Variants in KMT2D observed in about 807,000 individuals in gnomAD.
The protein encoded by KMT2D is lysine methyltransferase 2D.
In KMT2D, 55 loss-of-function variants were observed where a neutral mutation model predicts 512.7. That is an observed-to-expected ratio of 0.11 (90% CI 0.09 to 0.13). The LOEUF is 0.13. Ranked by LOEUF, KMT2D falls within the 10% of genes least tolerant of loss-of-function variation. KMT2D has a pLI of 1.00. For missense variants in KMT2D, 6,061 were observed against 7,127.9 expected, an observed-to-expected ratio of 0.85 and a Z score of 5.39; for synonymous variants, 2,995 against 2,904.0, an observed-to-expected ratio of 1.03 and a Z score of -1.01.
chr12:49,028,870 A>C lies in KMT2D; in HGVS notation c.14340T>G (p.Ser4780Arg), dbSNP rs2120387074. 1 of 1,613,958 alleles carries C rather than the reference A, an allele frequency of 6.2e-7. No homozygotes were observed. Among genetic ancestry groups the C allele is most frequent in the Non-Finnish European group, 8.5e-7 (1 of 1,179,888 alleles). The change falls in exon 46 of 55, where the codon AGT becomes AGG. Residue 4780 changes from serine to arginine, a missense_variant. Ser to Arg is a moderately radical substitution (Grantham distance 110). Around this residue, in one of 16 missense-constraint regions of KMT2D, gnomAD observed 1,600 missense variants for 1,754.9 expected, o/e 0.91. Coordinates refer to ENST00000301067, the MANE Select transcript of KMT2D (RefSeq NM_003482.4). ...PVTTWEKGKG[S>R]EVSVMLTVSA... is the part of the protein sequence containing the mutation. ...AGACTGTGAGCATGACTGACACCTC[A>C]CTTCCTTTGCCCTTTTCCCAAGTTG...
rs1937914532 is a variant in KMT2D, at chr12:49,050,693, C to T, written c.2895G>A (p.Gly965=). 1 of 1,613,400 alleles carries T rather than the reference C, an allele frequency of 6.2e-7. No homozygotes were observed. The highest frequency in any genetic ancestry group is 8.5e-7 in the Non-Finnish European group (1 of 1,179,720). Residue 965 remains glycine (G), a synonymous_variant, in exon 12 of 55, where the codon GGG becomes GGA. Coordinates refer to ENST00000301067, the MANE Select transcript of KMT2D (RefSeq NM_003482.4). ...GELEYPFGAK[G]DSDPESPLAA... ...CCAACGGTGACTCAGGGTCACTGTC[C>T]CCTTTGGCACCAAAGGGGTACTCTA... is the stretch of plus-strand genomic sequence containing the variant.
rs1467127405 is a variant in KMT2D, at chr12:49,044,329, G to A, written c.5084-25C>T. On this transcript the variant is annotated intron_variant, in intron 21 of 54. Transcript: ENST00000301067. This position sits in a 1 kb window ranked among gnomAD's most constrained non-coding sequence, Gnocchi z 6.4. ...CCTATGAGGAGGCAGAGTTGTGGAT[G>A]AGAAGCCGCTGGGGGACCTATTGAG... The A allele has an allele frequency of 2.5e-6, 4 of 1,613,894 alleles. No homozygotes were observed. The highest frequency in any genetic ancestry group is 3.4e-6 in the Non-Finnish European group (4 of 1,179,824).
Position 49,044,962 on chromosome 12 carries a change from G to A in KMT2D, c.4745C>T (p.Pro1582Leu), listed in dbSNP as rs370444484. The change falls in exon 20 of 55, where the codon CCC becomes CTC. Residue 1582 changes from proline to leucine, a missense_variant. Physicochemically the swap from Pro to Leu is moderately conservative, Grantham distance 98. This residue lies in a region of KMT2D where 640 missense variants were observed against 814.3 expected (regional missense o/e 0.79). Transcript: ENST00000301067. The surrounding 1 kb of genome is among the most constrained non-coding windows in gnomAD (Gnocchi z 6.4). Reference sequence around the variant, plus strand: ...CACACCTTCGAAGCGAAAGTACTGGGGCTCTGCATAAGAGGAAAGAGTATG... The same window carrying A: ...CACACCTTCGAAGCGAAAGTACTGGAGCTCTGCATAAGAGGAAAGAGTATG... Reference protein sequence around the residue: ...LVPMKVKEPEPQYFRFEGVWL... With the variant: ...LVPMKVKEPELQYFRFEGVWL... 1.9e-6 allele frequency: 3 copies of A among 1,613,290 alleles called. No individual in the cohort carries two copies. The highest frequency in any genetic ancestry group is 2.7e-5 in the African/African-American group (2 of 74,924).
At chr12:49,043,264 C>T in intron 25 of KMT2D, 78 bp from the exon 26 acceptor site, 5 of 1,547,786 alleles carry the variant, frequency 3.2e-6, no homozygotes, top group Non-Finnish European at 4.5e-6. Flanking sequence ...GGCCATGGGA[C>T]AGTTTCCAGC....
rs2120528900 is a variant in KMT2D, at chr12:49,040,430, G to A, written c.7340C>T (p.Pro2447Leu). The change falls in exon 32 of 55, where the codon CCT (proline) becomes CTT (leucine). Residue 2447 changes from proline (P) to leucine (L), a missense_variant. Coordinates refer to ENST00000301067, the MANE Select transcript of KMT2D (RefSeq NM_003482.4). ...PSPVTPRFQS[P>L]DPYSRPPSRP... ...TGAGGGTGGGCGAGAATAAGGGTCA[G>A]GGGACTGGAAGCGAGGGGTAACGGG... The A allele has an allele frequency of 6.4e-7, 1 of 1,562,628 alleles. No homozygotes were observed. Among genetic ancestry groups the A allele is most frequent in the Non-Finnish European group, 8.7e-7 (1 of 1,153,622 alleles).
Position 49,020,738 on chromosome 12 carries a change from C to G in KMT2D, c.*1042G>C, listed in dbSNP as rs1290824577. 5 of 210,590 alleles carry G rather than the reference C, an allele frequency of 2.4e-5. No individual in the cohort carries two copies. Among genetic ancestry groups the G allele is most frequent in the African/African-American group, 1.1e-4 (5 of 43,816 alleles). 13.0% of individuals were successfully genotyped at this position (210,590 alleles called of 1,614,324 possible). On this transcript the variant is annotated 3_prime_UTR_variant, in exon 55 of 55. Transcript: ENST00000301067. ...CACTCAGGGATAGCCCTCACCCTAC[C>G]CCCCACCCAACCCGTCCAGGGGCTG...
At chr12:49,029,616 A>C (rs1178363842) in intron 43 of KMT2D, 140 bp from the exon 44 acceptor site, 4 of 633,988 alleles carry the variant, frequency 6.3e-6, no homozygotes, top group Non-Finnish European at 1.1e-5. Flanking sequence ...GTTTGGGGCA[A>C]ACAAGGTATA....
chr12:49,060,112 C>G lies in KMT2D; in HGVS notation c.-537G>C, dbSNP rs1222916325. ...GAGACCCTCGCAGGAGCGCCGAGCCCCTCTCCCCGCCCCGGCCGGCGCCCG... is the reference window on the plus strand; with the variant it reads ...GAGACCCTCGCAGGAGCGCCGAGCCGCTCTCCCCGCCCCGGCCGGCGCCCG... On this transcript the variant is annotated 5_prime_UTR_variant, in exon 1 of 55. Coordinates refer to ENST00000301067, the MANE Select transcript of KMT2D (RefSeq NM_003482.4). Among the ~76,000 whole-genome samples, 2 of 151,418 alleles carry G rather than the reference C, an allele frequency of 1.3e-5. No homozygotes were observed. The highest frequency in any genetic ancestry group is 3.0e-5 in the Non-Finnish European group (2 of 67,766).
chr12:49,045,040 G>A (rs1324233284), intron 19 of KMT2D, 75 bp from the exon 20 acceptor site: 24 of 1,391,810 alleles, frequency 1.7e-5, no homozygotes, highest in Non-Finnish European at 2.4e-5. Flanking sequence ...TTCAACCTAT[G>A]TCCTTAGCTG....
Position 49,032,562 on chromosome 12 carries a change from G to C in KMT2D, c.12143C>G (p.Pro4048Arg), listed in dbSNP as rs527255553. The C allele has an allele frequency of 1.2e-6, 2 of 1,612,944 alleles. No individual in the cohort carries two copies. Among genetic ancestry groups the C allele is most frequent in the Non-Finnish European group, 1.7e-6 (2 of 1,179,462 alleles). ...TEGPSTHQGGPLAIGTTPESM... is the reference protein window; with the variant it reads ...TEGPSTHQGGRLAIGTTPESM... ...CTCAGGGGTAGTTCCTATTGCTAAC[G>C]GCCCTCCCTGATGTGTAGAGGGCCC... The change falls in exon 40 of 55, where the codon CCG (proline) becomes CGG (arginine). Residue 4048 changes from proline to arginine, a missense_variant. Pro to Arg is a moderately radical substitution (Grantham distance 103). Coordinates refer to ENST00000301067, the MANE Select transcript of KMT2D (RefSeq NM_003482.4).
chr12:49,043,640 T>G lies in KMT2D; in HGVS notation c.5462A>C (p.Gln1821Pro), dbSNP rs550229839. The change falls in exon 24 of 55, where the codon CAG becomes CCG. Residue 1821 changes from glutamine to proline, a missense_variant. Around this residue, in one of 16 missense-constraint regions of KMT2D, gnomAD observed 640 missense variants for 814.3 expected, o/e 0.79. Transcript: ENST00000301067. ...GSERKELPTSQKGDDGPDIAD... is the reference protein window; with the variant it reads ...GSERKELPTSPKGDDGPDIAD... ...CTCACTCCCACATAACTAACCTTTC[T>G]GCGATGTGGGGAGTTCCTTCCTTTC... The G allele has an allele frequency of 6.2e-7, 1 of 1,614,008 alleles. No individual in the cohort carries two copies. Among genetic ancestry groups the G allele is most frequent in the Non-Finnish European group, 8.5e-7 (1 of 1,179,882 alleles).
In KMT2D at chr12:49,051,857, G is replaced by A. The variant is rs2120677637; in HGVS notation, c.1826C>T (p.Ser609Phe). The A allele has an allele frequency of 1.2e-6, 2 of 1,612,578 alleles. No individual in the cohort carries two copies. The highest frequency in any genetic ancestry group is 8.5e-7 in the Non-Finnish European group (1 of 1,179,154). ...LFPPFEESPL[S>F]PPPEESPLSP... ...AAGGGGAGACTCCTCAGGTGGAGGG[G>A]ACAGAGGAGACTCTTCAAATGGTGG... is the stretch of plus-strand genomic sequence containing the variant. Residue 609 changes from serine to phenylalanine, a missense_variant, in exon 11 of 55, where the codon TCC (serine) becomes TTC (phenylalanine). Ser to Phe is a radical substitution (Grantham distance 155, BLOSUM62 -2). Around this residue, in one of 16 missense-constraint regions of KMT2D, gnomAD observed 848 missense variants for 838.5 expected, o/e 1.01. Transcript: ENST00000301067.
At position 49,034,310 on chromosome 12, in the gene KMT2D, A is replaced by C. The variant is rs374068805; in HGVS notation, c.10508-11T>G. Reference sequence around the variant, plus strand: ...GCTGGTCAGCTTCATCTGGGAAAAGAAGCTGGGTGTCAGGACCTGCAAAAG... The same window carrying C: ...GCTGGTCAGCTTCATCTGGGAAAAGCAGCTGGGTGTCAGGACCTGCAAAAG... On this transcript the variant is annotated splice_polypyrimidine_tract_variant and intron_variant, in intron 38 of 54. Transcript: ENST00000301067. The C allele has an allele frequency of 4.3e-5, 70 of 1,611,298 alleles. No individual in the cohort carries two copies. The highest frequency in any genetic ancestry group is 5.0e-5 in the Non-Finnish European group (59 of 1,177,806).
At position 49,039,333 on chromosome 12, in the gene KMT2D, G is replaced by A. The variant is rs1238293265; in HGVS notation, c.8255C>T (p.Pro2752Leu). The A allele has an allele frequency of 2.5e-6, 4 of 1,613,506 alleles. No individual in the cohort carries two copies. In the Admixed American group the frequency reaches 6.7e-5, roughly 27 times the overall value. Residue 2752 changes from proline (P) to leucine (L), a missense_variant, in exon 34 of 55, where the codon CCC (proline) becomes CTC (leucine). By Grantham distance (98) the Pro-to-Leu change is moderately conservative. Coordinates refer to ENST00000301067, the MANE Select transcript of KMT2D (RefSeq NM_003482.4). The surrounding 1 kb of genome is among the most constrained non-coding windows in gnomAD (Gnocchi z 5.0). ...GATGGGGCCACTCAGCTTGCTTGGGGGCAACCCCACAAGGCTGCTCTTGTC... is the reference window on the plus strand; with the variant it reads ...GATGGGGCCACTCAGCTTGCTTGGGAGCAACCCCACAAGGCTGCTCTTGTC... ...TQDKSSLVGL[P>L]PSKLSGPILG...
chr12:49,053,632 C>G lies in KMT2D; in HGVS notation c.683G>C (p.Arg228Pro), dbSNP rs778237222. ...CCCTGGCCCCTCACACACTGCACAGCGAGCCTCCTCTGCAGGGGGTAGAGA... is the reference window on the plus strand; with the variant it reads ...CCCTGGCCCCTCACACACTGCACAGGGAGCCTCCTCTGCAGGGGGTAGAGA... The part of the protein sequence containing the change: ...SEGAAYLEEA[R>P]CAVCEGPGEL... Residue 228 changes from arginine to proline, a missense_variant, in exon 7 of 55, where the codon CGC (arginine) becomes CCC (proline). Coordinates refer to ENST00000301067, the MANE Select transcript of KMT2D (RefSeq NM_003482.4). 1 of 1,593,430 alleles carries G rather than the reference C, an allele frequency of 6.3e-7. No individual in the cohort carries two copies. The highest frequency in any genetic ancestry group is 8.5e-7 in the Non-Finnish European group (1 of 1,170,520).
rs2120571363 is a variant in KMT2D, at chr12:49,043,650, G to C, written c.5452C>G (p.Pro1818Ala). 1 of 1,614,000 alleles carries C rather than the reference G, an allele frequency of 6.2e-7. No individual in the cohort carries two copies. The highest frequency in any genetic ancestry group is 8.5e-7 in the Non-Finnish European group (1 of 1,179,898). ...CATAACTAACCTTTCTGCGATGTGG[G>C]GAGTTCCTTCCTTTCTGAGCCTCCA... ...GDGGSERKEL[P>A]TSQKGDDGPD... The change falls in exon 24 of 55, where the codon CCC becomes GCC. Residue 1818 changes from proline (P) to alanine (A), a missense_variant. By Grantham distance (27) the Pro-to-Ala change is conservative (BLOSUM62 -1). Coordinates refer to ENST00000301067, the MANE Select transcript of KMT2D (RefSeq NM_003482.4).
chr12:49,050,657 G>A lies in KMT2D; in HGVS notation c.2931C>T (p.Ile977=), dbSNP rs2120654761. ...SDPESPLAAP[I]LETPISPPPE... is the part of the protein sequence containing the mutation. ...GTGGAGGGCTGATGGGTGTCTCCAG[G>A]ATGGGGGCAGCCAACGGTGACTCAG... Residue 977 remains isoleucine, a synonymous_variant, in exon 12 of 55, where the codon ATC becomes ATT. Transcript: ENST00000301067. 1 of 1,613,606 alleles carries A rather than the reference G, an allele frequency of 6.2e-7. No individual in the cohort carries two copies.
rs79718340 is a variant in KMT2D, at chr12:49,048,487, T to C, written c.4131+172A>G. ...AGCTTAGTGCCAAGCTCAGAAGAGATACTCAAGAGAAATGTGATGGATGGA... is the reference window on the plus strand; with the variant it reads ...AGCTTAGTGCCAAGCTCAGAAGAGACACTCAAGAGAAATGTGATGGATGGA... On this transcript the variant is annotated intron_variant, in intron 14 of 54. Transcript: ENST00000301067. 0.011 allele frequency among the ~76,000 whole-genome samples: 1,612 copies of C among 152,354 alleles called. 30 individuals carry two copies. Among genetic ancestry groups the C allele is most frequent in the African/African-American group, 0.036 (1,493 of 41,574 alleles).
In KMT2D at chr12:49,039,034, G is replaced by A. The variant is rs1436048933; in HGVS notation, c.8367-45C>T. ...TCAGTAGGATGAAATCAGATGAAAA[G>A]GAGCAAGAACATGGGCTTAGGGCAG... On this transcript the variant is annotated intron_variant, in intron 34 of 54. Transcript: ENST00000301067. The surrounding 1 kb of genome is among the most constrained non-coding windows in gnomAD (Gnocchi z 5.0). 6.5e-7 allele frequency: 1 copy of A among 1,547,034 alleles called. No homozygotes were observed. The highest frequency in any genetic ancestry group is 1.9e-5 in the Admixed American group (1 of 51,288).
Sources: gnomAD v4.1 joint callset for allele counts (sites outside exome capture counted in the v4.1 genomes callset) on GRCh38, gnomAD v4.1.1 for gene constraint, gnomAD v4.1.1 regional missense constraint, Gnocchi (gnomAD v3.1) non-coding constraint, MANE v1.5 for transcripts, NCBI Gene and HGNC (gene_info 2026-07-23, HGNC 2026-07-21) for gene names.